LMO7: variants seen among roughly 807,000 people sequenced by gnomAD.
LMO7 encodes the protein LIM domain only protein 7.
In LMO7, 120 loss-of-function variants were observed where a neutral mutation model predicts 206.5. The observed-to-expected ratio is 0.58, with a 90% CI of 0.50 to 0.68. The LOEUF is 0.68. Among genes scored for constraint, LMO7 ranks in the 30% least tolerant of loss-of-function variants. The pLI is 0.00. For synonymous variants in LMO7, 706 were observed against 681.5 expected (o/e 1.04, Z -0.56); for missense variants, 1,959 against 1,957.9 (o/e 1.00, Z -0.01).
chr13:75,788,776 G>C (rs868867572), intron 4 of LMO7: 1 of 152,368 alleles, frequency 6.6e-6, no homozygotes, highest in Non-Finnish European at 1.5e-5. Context: ...TATCAGTCCA[G>C]TTTCCCAAGA....
rs150027017 is a variant in LMO7, at chr13:75,644,824, G to A, written c.69+8098G>A. ...TTAAAAATTTTGTTGTAGGGACAAG[G>A]TCTCGCTTTGTTTCCTAAGCTGGCC... On this transcript the variant is annotated intron_variant, in intron 1 of 30. Transcript: ENST00000377534. Among the ~76,000 whole-genome samples, 480 of 152,206 alleles carry A rather than the reference G, an allele frequency of 3.2e-3. 4 individuals carry two copies. The highest frequency in any genetic ancestry group is 0.011 in the African/African-American group (456 of 41,532).
chr13:75,664,483 A>C (rs1208224153), intron 1 of LMO7, among the ~76,000 whole-genome samples: 1 of 152,154 alleles, frequency 6.6e-6, no homozygotes, highest in Admixed American at 6.5e-5. Flanking sequence ...TGCTGTGCTA[A>C]ATATGGGAGT....
intron 1 of LMO7, among the ~76,000 whole-genome samples, chr13:75,654,118 T>C (rs948749405): frequency 6.6e-6 from 1 of 152,188 alleles, no homozygotes. Flanking sequence ...ATATTAAAAT[T>C]TCTAGCAGGA....
intron 2 of LMO7, among the ~76,000 whole-genome samples, chr13:75,716,894 CTT>C (rs35871564): frequency 0.058 from 8,065 of 138,726 alleles, 406 homozygotes; most frequent in African/African-American, 0.14. Context: ...TGAAAACACT[CTT>C]TTTTTTTTTT....
chr13:75,849,150 C>G lies in LMO7; in HGVS notation c.4222C>G (p.Pro1408Ala). ...GAGGAGATCCAAGAAAGAACAAGTACCATCAGGAGCAGAATTGGAGAGGCA... is the reference window on the plus strand; with the variant it reads ...GAGGAGATCCAAGAAAGAACAAGTAGCATCAGGAGCAGAATTGGAGAGGCA... ...SQRRSKKEQV[P>A]SGAELERQQI... Residue 1408 changes from proline (P) to alanine (A), a missense_variant, in exon 27 of 31, where the codon CCA (proline) becomes GCA (alanine). Transcript: ENST00000377534. 1.2e-6 allele frequency: 2 copies of G among 1,613,494 alleles called. No homozygotes were observed. The highest frequency in any genetic ancestry group is 1.7e-6 in the Non-Finnish European group (2 of 1,179,466).
chr13:75,807,370 A>G, intron 9 of LMO7, 110 bp from the exon 10 acceptor site: 1 of 1,098,850 alleles, frequency 9.1e-7, no homozygotes, highest in Non-Finnish European at 1.3e-6. Flanking sequence ...ATTTACCCTC[A>G]GTAACTGGCT....
At chr13:75,770,947 C>G (rs538142373) in intron 4 of LMO7, among the ~76,000 whole-genome samples, 2 of 152,080 alleles carry the variant, frequency 1.3e-5, no homozygotes, top group Non-Finnish European at 2.9e-5. Context: ...TGTGCTTCTC[C>G]CAGTATGTTG....
chr13:75,840,588 C>A (rs372885778), intron 22 of LMO7, 93 bp downstream of exon 22: 16 of 1,417,290 alleles, frequency 1.1e-5, no homozygotes, highest in Non-Finnish European at 1.5e-5. Context: ...TAATTTTAAA[C>A]GCAACAATCT....
intron 4 of LMO7, among the ~76,000 whole-genome samples, chr13:75,794,367 C>A (rs1823769046): frequency 6.6e-6 from 1 of 151,966 alleles, no homozygotes; most frequent in Non-Finnish European, 1.5e-5. Flanking sequence ...CATTTCAGTA[C>A]AAGTTTGTTT....
At position 75,833,157 on chromosome 13, in the gene LMO7, T is replaced by G. The variant is rs745409800; in HGVS notation, c.3056T>G (p.Val1019Gly). The change falls in exon 16 of 31, where the codon GTT becomes GGT. Residue 1019 changes from valine to glycine, a missense_variant. Physicochemically the swap from Val to Gly is moderately radical, Grantham distance 109. Coordinates refer to ENST00000377534, the MANE Select transcript of LMO7 (RefSeq NM_001306080.2). ...WDIPGIFVAS[V>G]EAGSPAEFSQ... Reference sequence around the variant, plus strand: ...ATTCCTGGGATCTTCGTAGCATCAGTTGAAGCAGGTAAATTATGTGTTTAG... The same window carrying G: ...ATTCCTGGGATCTTCGTAGCATCAGGTGAAGCAGGTAAATTATGTGTTTAG... 6.4e-7 allele frequency: 1 copy of G among 1,556,234 alleles called. No individual in the cohort carries two copies. The highest frequency in any genetic ancestry group is 1.7e-4 in the Middle Eastern group (1 of 5,948).
At chr13:75,755,616 A>T (rs904977977) in intron 3 of LMO7, among the ~76,000 whole-genome samples, 3 of 152,256 alleles carry the variant, frequency 2.0e-5, no homozygotes, top group South Asian at 2.1e-4. Context: ...AATGTTTCTC[A>T]TGGGCTGCAA....
At chr13:75,827,318 T>C (rs540349089) in intron 15 of LMO7, among the ~76,000 whole-genome samples, 1 of 152,292 alleles carries the variant, frequency 6.6e-6, no homozygotes, top group East Asian at 1.9e-4. Context: ...ACTATGGTGT[T>C]CCCTAGAGTT....
At chr13:75,821,950 G>A (rs1050848847) in intron 14 of LMO7, among the ~76,000 whole-genome samples, 1 of 152,128 alleles carries the variant, frequency 6.6e-6, no homozygotes, top group African/African-American at 2.4e-5. Flanking sequence ...CAGTATGATT[G>A]TTCTTCTTGA....
At position 75,623,386 on chromosome 13, in the gene LMO7, C is replaced by T. The variant is rs540016394; in HGVS notation, c.225+66C>T. ...CCAAAGCATTTTTTTCTTTTTGATA[C>T]GGAGTCTTGCTCTGTTGCCCAGGGT... is the stretch of plus-strand genomic sequence containing the variant. On this transcript the variant is annotated intron_variant, in intron 2 of 29. Coordinates refer to the LMO7 transcript ENST00000341547. 40 of 871,998 alleles carry T rather than the reference C, an allele frequency of 4.6e-5. No individual in the cohort carries two copies. The Middle Eastern group carries it at 6.9e-4, about 15-fold the overall frequency. 54.0% of individuals were successfully genotyped at this position (871,998 alleles called of 1,614,324 possible).
chr13:75,846,616 T>G (rs1246804098), intron 26 of LMO7, among the ~76,000 whole-genome samples: 1 of 152,238 alleles, frequency 6.6e-6, no homozygotes, highest in Admixed American at 6.5e-5. Context: ...TGTCAGTAAC[T>G]GCAACTGTGA....
chr13:75,654,375 G>A (rs577574406), intron 1 of LMO7, among the ~76,000 whole-genome samples: 1 of 152,360 alleles, frequency 6.6e-6, no homozygotes, highest in South Asian at 2.1e-4. Context: ...GAGAGAGAAA[G>A]GGGAAGAATT....
chr13:75,849,160 C>T lies in LMO7; in HGVS notation c.4232C>T (p.Ala1411Val), dbSNP rs749526009. The change falls in exon 27 of 31, where the codon GCA becomes GTA. Residue 1411 changes from alanine (A) to valine (V), a missense_variant. Coordinates refer to ENST00000377534, the MANE Select transcript of LMO7 (RefSeq NM_001306080.2). ...RSKKEQVPSG[A>V]ELERQQILQE... ...AAGAAAGAACAAGTACCATCAGGAG[C>T]AGAATTGGAGAGGCAACAAATCCTT... The T allele has an allele frequency of 5.6e-6, 9 of 1,613,626 alleles. No homozygotes were observed. Among genetic ancestry groups the T allele is most frequent in the Non-Finnish European group, 6.8e-6 (8 of 1,179,556 alleles).
intron 3 of LMO7, among the ~76,000 whole-genome samples, chr13:75,752,322 G>A (rs748780835): frequency 6.6e-6 from 1 of 151,852 alleles, no homozygotes; most frequent in Non-Finnish European, 1.5e-5. Flanking sequence ...GTAGAGACGG[G>A]GTTTCACCAT....
At chr13:75,631,230 C>T (rs1407489801) in intron 2 of LMO7, 1 of 151,984 alleles carries the variant, frequency 6.6e-6, no homozygotes, top group African/African-American at 2.4e-5. Flanking sequence ...CCATGTTACC[C>T]AGGCTGGTCT....
Sources: gnomAD v4.1 joint callset for allele counts (sites outside exome capture counted in the v4.1 genomes callset) on GRCh38, gnomAD v4.1.1 for gene constraint, MANE v1.5 for transcripts, NCBI Gene and HGNC (gene_info 2026-07-23, HGNC 2026-07-21) for gene names.